Variants in IL15 observed in about 807,000 individuals in gnomAD.
The protein encoded by IL15 is interleukin 15.
IL15 carries 11 observed loss-of-function variants against 19.6 expected under a neutral mutation model. The ratio of observed to expected loss-of-function variants is 0.56; its 90% CI spans 0.35 to 0.93. IL15 has a LOEUF of 0.93. Ranked by LOEUF, IL15 falls within the 40% of genes least tolerant of loss-of-function variation. The probability of loss-of-function intolerance (pLI) is 0.01; values close to 1 mark genes in which losing one functional copy is unlikely to be tolerated. For synonymous variants in IL15, 58 were observed against 59.6 expected, an observed-to-expected ratio of 0.97 and a Z score of 0.12; for missense variants, 197 against 186.5, an observed-to-expected ratio of 1.06 and a Z score of -0.33.
At chr4:141,701,706 G>T (rs2152181985) in intron 2 of IL15, among the ~76,000 whole-genome samples, 1 of 152,252 alleles carries the variant, frequency 6.6e-6, no homozygotes, top group East Asian at 1.9e-4. Context: ...GATGAAGGTG[G>T]CTAAGGGAGT....
intron 2 of IL15, among the ~76,000 whole-genome samples, chr4:141,676,696 C>A (rs2152170314): frequency 6.6e-6 from 1 of 151,888 alleles, no homozygotes. Context: ...AGAAAACTGT[C>A]CAGATGTTGT....
chr4:141,688,144 G>T (rs989281305), intron 2 of IL15, among the ~76,000 whole-genome samples: 2 of 152,230 alleles, frequency 1.3e-5, no homozygotes, highest in Non-Finnish European at 1.5e-5. Flanking sequence ...CCCCCTGAAG[G>T]ATCATCCTAG....
chr4:141,725,640 G>A (rs577328039), intron 5 of IL15, among the ~76,000 whole-genome samples: 23 of 152,244 alleles, frequency 1.5e-4, no homozygotes, highest in Non-Finnish European at 3.1e-4. Flanking sequence ...TAGAAAGTAG[G>A]TGTGGAGAAC....
At chr4:141,724,291 C>T (rs536039139) in intron 5 of IL15, among the ~76,000 whole-genome samples, 3 of 151,770 alleles carry the variant, frequency 2.0e-5, no homozygotes, top group Admixed American at 6.6e-5. Flanking sequence ...TACAGCATAT[C>T]AAGATATATG....
chr4:141,690,064 G>A (rs139097053), intron 2 of IL15, among the ~76,000 whole-genome samples: 15,662 of 152,202 alleles, frequency 0.1, 923 homozygotes, highest in Non-Finnish European at 0.14. Context: ...TGGCACTGCT[G>A]GGGGATCCAG....
At chr4:141,694,810 G>GA (rs1729038097) in intron 2 of IL15, among the ~76,000 whole-genome samples, 1 of 152,166 alleles carries the variant, frequency 6.6e-6, no homozygotes, top group Non-Finnish European at 1.5e-5. Context: ...TTTTCCCACA[G>GA]ACCTGGTACT....
Position 141,732,771 on chromosome 4 carries a change from G to T in IL15, c.412G>T (p.Glu138Ter). The T allele has an allele frequency of 6.2e-7, 1 of 1,612,650 alleles. No individual in the cohort carries two copies. The highest frequency in any genetic ancestry group is 8.5e-7 in the Non-Finnish European group (1 of 1,179,496). ...AGAATCTGGATGCAAAGAATGTGAG[G>T]AACTGGAGGAAAAAAATATTAAAGA... Reference protein sequence around the residue: ...VTESGCKECEELEEKNIKEFL... With the variant: ...VTESGCKECE The change falls in exon 8 of 8, where the codon GAA becomes TAA. Residue 138 changes from glutamate to a stop codon, truncating the protein, a stop_gained. Transcript: ENST00000320650. LOFTEE classifies it high-confidence loss of function.
At chr4:141,693,688 C>G (rs1408825057) in intron 2 of IL15, among the ~76,000 whole-genome samples, 2 of 152,048 alleles carry the variant, frequency 1.3e-5, no homozygotes, top group African/African-American at 2.4e-5. Flanking sequence ...AATAACAAAT[C>G]AGTATTAAAT....
chr4:141,722,226 T>G (rs1431256122), intron 5 of IL15, among the ~76,000 whole-genome samples: 1 of 152,142 alleles, frequency 6.6e-6, no homozygotes, highest in Non-Finnish European at 1.5e-5. Context: ...ACGGATGAGT[T>G]CTAGTCTGCA....
At chr4:141,720,447 T>C (rs748308452) in intron 3 of IL15, 22 bp from the exon 4 acceptor site, 4 of 1,239,286 alleles carry the variant, frequency 3.2e-6, no homozygotes, top group Admixed American at 1.8e-5. Context: ...TTTAACCATT[T>C]GTCTATGATT....
chr4:141,651,609 A>G (rs1305320054), intron 1 of IL15, among the ~76,000 whole-genome samples: 2 of 152,154 alleles, frequency 1.3e-5, no homozygotes. Context: ...TGGTCCCACC[A>G]CATGGACCAC....
rs909556656 is a variant in IL15, at chr4:141,733,480, C to T, written c.*632C>T. The T allele has an allele frequency of 6.6e-6, 1 of 152,178 alleles. No individual in the cohort carries two copies. The highest frequency in any genetic ancestry group is 6.5e-5 in the Admixed American group (1 of 15,274). 9.4% of individuals were successfully genotyped at this position (152,178 alleles called of 1,614,324 possible). On this transcript the variant is annotated 3_prime_UTR_variant, in exon 8 of 8. Coordinates refer to ENST00000320650, the MANE Select transcript of IL15 (RefSeq NM_000585.5). ...TGGCATATAATGTCCATCAGTAAAT[C>T]TTGGTGGTGGTGGCAATAATAAACT... is the stretch of plus-strand genomic sequence containing the variant.
In IL15 at chr4:141,727,321, T is replaced by G. The variant is rs146416523; in HGVS notation, c.196-619T>G. Among the ~76,000 whole-genome samples the G allele has an allele frequency of 2.1e-4, 32 of 151,544 alleles. 2 individuals carry two copies. The East Asian group carries it at 5.8e-3, about 27-fold the overall frequency. ...AAGTCTCTGTACTTTCTGCTAGTTT[T>G]TCTGTAAACCTAAATGGCTCATAAA... is the stretch of plus-strand genomic sequence containing the variant. On this transcript the variant is annotated intron_variant, in intron 5 of 7. Transcript: ENST00000320650.
intron 5 of IL15, among the ~76,000 whole-genome samples, chr4:141,726,759 A>G (rs1342030779): frequency 1.3e-5 from 2 of 152,214 alleles, no homozygotes; most frequent in African/African-American, 4.8e-5. Context: ...AAAAAGGAAC[A>G]AACTAGTGAT....
At chr4:141,639,756 C>A (rs1164239880) in intron 1 of IL15, among the ~76,000 whole-genome samples, 1 of 152,222 alleles carries the variant, frequency 6.6e-6, no homozygotes, top group Non-Finnish European at 1.5e-5. Context: ...ATTTACTTAC[C>A]CGTTGATTAC....
intron 1 of IL15, among the ~76,000 whole-genome samples, chr4:141,638,331 G>A (rs933544854): frequency 2.0e-5 from 3 of 152,182 alleles, no homozygotes; most frequent in East Asian, 3.9e-4. Flanking sequence ...GTCCTTATTC[G>A]TGTAAAATTC....
chr4:141,691,143 C>T (rs72712412), intron 2 of IL15, among the ~76,000 whole-genome samples: 112 of 42,320 alleles, frequency 2.6e-3, no homozygotes, highest in African/African-American at 0.012. Flanking sequence ...GTGGCAGGAG[C>T]GATAGAACAT....
At chr4:141,668,189 G>C (rs1281309255) in intron 2 of IL15, among the ~76,000 whole-genome samples, 2 of 152,214 alleles carry the variant, frequency 1.3e-5, no homozygotes, top group African/African-American at 4.8e-5. Flanking sequence ...CATATGGCGG[G>C]AAATACACGC....
rs770201914 is a variant in IL15 at position 141,719,490 on chromosome 4, T to G, written c.12+14T>G. 1.6e-6 allele frequency: 2 copies of G among 1,237,952 alleles called. No individual in the cohort carries two copies. The highest frequency in any genetic ancestry group is 2.4e-6 in the Non-Finnish European group (2 of 843,120). The allele number at this position is 1,237,952 out of a possible 1,614,324, so 76.7% of individuals were successfully genotyped here. A position where few individuals can be genotyped will look rare whatever the true frequency, so the allele number is the denominator to read the frequency against. On this transcript the variant is annotated intron_variant, in intron 3 of 7. Coordinates refer to ENST00000320650, the MANE Select transcript of IL15 (RefSeq NM_000585.5). ...ATGAGAATTTCGGTAAGAAAAAAAA[T>G]AGATGAAAATATCCTATGGAATTTC...
Sources: gnomAD v4.1 joint callset for allele counts (sites outside exome capture counted in the v4.1 genomes callset) on GRCh38, gnomAD v4.1.1 for gene constraint, MANE v1.5 for transcripts, NCBI Gene and HGNC (gene_info 2026-07-23, HGNC 2026-07-21) for gene names.